The following RHOBTB1 variants were observed in gnomAD, a reference collection of about 807,000 sequenced individuals.
RHOBTB1 encodes Rho related BTB domain containing 1.
RHOBTB1 carries 40 observed loss-of-function variants against 71.6 expected under a neutral mutation model. That is an observed-to-expected ratio of 0.56 (90% CI 0.43 to 0.73). RHOBTB1 has a LOEUF of 0.73. RHOBTB1 is among the 30% of genes least tolerant of loss of function. The pLI, the probability that RHOBTB1 is intolerant of heterozygous loss-of-function variation, is 0.00. For missense variants in RHOBTB1, 797 were observed against 894.0 expected (o/e 0.89, Z 1.38); for synonymous variants, 319 against 334.9 (o/e 0.95, Z 0.52).
rs558551324 is a variant in RHOBTB1 at position 60,893,096 on chromosome 10, T to A, written c.297-101A>T. ...ACCCCATCCTTCTAATGCCATCTCA[T>A]GTCACAATTAAAAAAAAAAAAGACC... On this transcript the variant is annotated intron_variant, in intron 4 of 10. Transcript: ENST00000337910. 43 of 822,620 alleles carry A rather than the reference T, an allele frequency of 5.2e-5. No homozygotes were observed. The Admixed American group carries it at 9.2e-4, about 18-fold the overall frequency. The allele number at this position is 822,620 out of a possible 1,614,324, so 51.0% of individuals were successfully genotyped here. A position where few individuals can be genotyped will look rare whatever the true frequency, so the allele number is the denominator to read the frequency against.
intron 2 of RHOBTB1, among the ~76,000 whole-genome samples, chr10:60,915,468 G>A (rs1350564237): frequency 6.6e-6 from 1 of 152,078 alleles, no homozygotes; most frequent in East Asian, 1.9e-4. Context: ...AAGCCTGAAA[G>A]AATGGACACT....
chr10:60,972,246 AT>A (rs2086182335), intron 2 of RHOBTB1, among the ~76,000 whole-genome samples: 1 of 152,212 alleles, frequency 6.6e-6, no homozygotes. Context: ...ATGTATGTTT[AT>A]TGTGGCACTA....
chr10:60,934,288 G>A (rs1340531615), intron 2 of RHOBTB1, among the ~76,000 whole-genome samples: 3 of 152,134 alleles, frequency 2.0e-5, no homozygotes, highest in South Asian at 2.1e-4. Flanking sequence ...TTTCAGTCCT[G>A]AGCAGACGTC....
At chr10:60,942,815 G>A (rs2134232212) in intron 1 of RHOBTB1, among the ~76,000 whole-genome samples, 1 of 152,012 alleles carries the variant, frequency 6.6e-6, no homozygotes, top group Non-Finnish European at 1.5e-5. Flanking sequence ...ACTATCTGCT[G>A]CTCGTCAGAG....
intron 2 of RHOBTB1, among the ~76,000 whole-genome samples, chr10:60,917,307 T>C (rs1385476452): frequency 6.6e-6 from 1 of 152,146 alleles, no homozygotes; most frequent in African/African-American, 2.4e-5. Context: ...TTTAAAACCT[T>C]ATTCAGATAT....
chr10:60,969,092 A>G (rs1158566825), intron 2 of RHOBTB1, among the ~76,000 whole-genome samples: 2 of 152,140 alleles, frequency 1.3e-5, no homozygotes, highest in East Asian at 3.9e-4. Flanking sequence ...AGATGACAGA[A>G]TTAGAATACA....
At chr10:60,946,568 C>T (rs2085244381), upstream of RHOBTB1, among the ~76,000 whole-genome samples, 3 of 152,204 alleles carry the variant, frequency 2.0e-5, no homozygotes, top group Admixed American at 2.0e-4. Flanking sequence ...GATGTCTTGA[C>T]AGTTGCATTT....
At chr10:60,880,282 A>T (rs887052122) in intron 7 of RHOBTB1, among the ~76,000 whole-genome samples, 36 of 150,820 alleles carry the variant, frequency 2.4e-4, no homozygotes, top group Admixed American at 2.0e-3. Flanking sequence ...AGAGAGAGAG[A>T]GTGTATGTAT....
intron 1 of RHOBTB1, 57 bp downstream of exon 1, chr10:60,943,914 C>A (rs1458374685): frequency 6.6e-6 from 1 of 152,188 alleles, no homozygotes; most frequent in East Asian, 2.0e-4. Context: ...GTGGGGGCTC[C>A]GCAGCGGCTG....
At chr10:60,973,951 T>C (rs749178210) in intron 2 of RHOBTB1, among the ~76,000 whole-genome samples, 2 of 152,036 alleles carry the variant, frequency 1.3e-5, no homozygotes, top group Non-Finnish European at 2.9e-5. Context: ...ATAGTTTACC[T>C]GAAGATGGAA....
chr10:60,892,806 T>G lies in RHOBTB1; in HGVS notation c.482+4A>C. 6.2e-7 allele frequency: 1 copy of G among 1,611,062 alleles called. No homozygotes were observed. Among genetic ancestry groups the G allele is most frequent in the Non-Finnish European group, 8.5e-7 (1 of 1,178,618 alleles). On this transcript the variant is annotated splice_donor_region_variant and intron_variant, in intron 5 of 10. Coordinates refer to ENST00000337910, the MANE Select transcript of RHOBTB1 (RefSeq NM_014836.5). ...ACAGGGAAACACTGAGTCCCTTGGC[T>G]TACCTTGCTAACGGGCGCCTGGCTC...
chr10:60,973,078 G>A (rs1427992072), intron 2 of RHOBTB1, among the ~76,000 whole-genome samples: 1 of 152,038 alleles, frequency 6.6e-6, no homozygotes, highest in Non-Finnish European at 1.5e-5. Flanking sequence ...TCATTATATA[G>A]TATGTCTGTT....
Position 60,888,684 on chromosome 10 carries a change from G to A in RHOBTB1, c.984C>T (p.Asp328=). ...GGCCCTCCTCCCTTTCTTCCTCTGG[G>A]TCGACACTCAATATCCGCCCCTGGA... ...RDFQGRILSV[D]PEEEREEGPP... is the part of the protein sequence containing the mutation. Residue 328 remains aspartate (D), a synonymous_variant, in exon 6 of 11, where the codon GAC becomes GAT. Transcript: ENST00000337910. 6.2e-7 allele frequency: 1 copy of A among 1,614,150 alleles called. No individual in the cohort carries two copies. Among genetic ancestry groups the A allele is most frequent in the East Asian group, 2.2e-5 (1 of 44,878 alleles).
intron 2 of RHOBTB1, among the ~76,000 whole-genome samples, chr10:60,981,715 C>G (rs1229847093): frequency 6.6e-6 from 1 of 151,990 alleles, no homozygotes; most frequent in African/African-American, 2.4e-5. Context: ...TCAGGAGACT[C>G]CTGATGCATT....
At chr10:60,991,264 A>T (rs1048806060) in intron 1 of RHOBTB1, among the ~76,000 whole-genome samples, 2 of 152,068 alleles carry the variant, frequency 1.3e-5, no homozygotes, top group African/African-American at 4.8e-5. Flanking sequence ...CCCCACCAAA[A>T]AAACGATAAA....
chr10:60,880,230 A>AGG (rs2081265094), intron 7 of RHOBTB1, among the ~76,000 whole-genome samples: 1 of 148,566 alleles, frequency 6.7e-6, no homozygotes. Flanking sequence ...AGAGAGAGAG[A>AGG]GAGAGAGAGA....
intron 4 of RHOBTB1, among the ~76,000 whole-genome samples, chr10:60,900,018 C>G (rs1370175346): frequency 6.6e-6 from 1 of 152,074 alleles, no homozygotes; most frequent in Non-Finnish European, 1.5e-5. Context: ...GGAAACAGAG[C>G]AAAGGCCCGA....
chr10:60,930,545 G>T (rs1209400478), intron 2 of RHOBTB1, among the ~76,000 whole-genome samples: 2 of 152,092 alleles, frequency 1.3e-5, no homozygotes, highest in East Asian at 1.9e-4. Flanking sequence ...AAATAAAATT[G>T]GGCCTCATGC....
chr10:60,888,267 A>G lies in RHOBTB1; in HGVS notation c.1401T>C (p.Phe467=), dbSNP rs1589194207. The G allele has an allele frequency of 6.2e-7, 1 of 1,613,962 alleles. No individual in the cohort carries two copies. The highest frequency in any genetic ancestry group is 8.5e-7 in the Non-Finnish European group (1 of 1,179,972). The change falls in exon 6 of 11, where the codon TTT becomes TTC. Residue 467 remains phenylalanine (F), a synonymous_variant. Transcript: ENST00000337910. ...TTATCCGATTGGCTTTCCTTACGTG[A>G]AAGGCTTTCGTAATCTCCTGGTTCA... ...AFMNQEITKA[F]HVRKANRIKE...
Sources: allele counts gnomAD v4.1 joint callset (sites outside exome capture counted in the v4.1 genomes callset), GRCh38; gene constraint gnomAD v4.1.1; transcripts MANE v1.5; gene names NCBI Gene and HGNC (gene_info 2026-07-23, HGNC 2026-07-21).